Variants in ALK observed in about 807,000 individuals in gnomAD.
ALK encodes ALK receptor tyrosine kinase.
In ALK, 74 loss-of-function variants were observed where a neutral mutation model predicts 163.1. The ratio of observed to expected loss-of-function variants is 0.45; its 90% CI spans 0.38 to 0.55. The LOEUF (loss-of-function observed/expected upper bound fraction) is 0.55, where lower values mean the gene tolerates loss of function less well. Among genes scored for constraint, ALK ranks in the 20% least tolerant of loss-of-function variants. The pLI is 0.00. For synonymous variants in ALK, 960 were observed against 843.2 expected, an observed-to-expected ratio of 1.14 and a Z score of -2.40; for missense variants, 2,063 against 2,105.3, an observed-to-expected ratio of 0.98 and a Z score of 0.39.
chr2:29,558,246 C>G (rs74365060), intron 3 of ALK, among the ~76,000 whole-genome samples: 2,687 of 152,264 alleles, frequency 0.018, 50 homozygotes, highest in African/African-American at 0.05. Flanking sequence ...AAACTTTAGA[C>G]CTGGCCAGTA....
At chr2:29,225,390 G>T (rs2148176121) in intron 19 of ALK, 71 bp downstream of exon 19, 1 of 1,355,928 alleles carries the variant, frequency 7.4e-7, no homozygotes, top group Non-Finnish European at 1.0e-6. Context: ...GGCACCTGTG[G>T]CACAGCCTGA....
intron 4 of ALK, among the ~76,000 whole-genome samples, chr2:29,386,737 C>G (rs1309962071): frequency 6.6e-6 from 1 of 152,198 alleles, no homozygotes; most frequent in East Asian, 1.9e-4. Flanking sequence ...TCTGGCCTCC[C>G]ATAGTTTACT....
Position 29,673,065 on chromosome 2 carries a change from T to G in ALK, c.952+21785A>C, listed in dbSNP as rs879563884. Among the ~76,000 whole-genome samples the G allele has an allele frequency of 8.4e-3, 1,159 of 137,268 alleles. 14 individuals are homozygous for G. The highest frequency in any genetic ancestry group is 0.045 in the South Asian group (189 of 4,226). 90.1% of individuals were successfully genotyped at this position (137,268 alleles called of 152,430 possible). ...TAAATTTGTTTGAGTTCATTGTAGA[T>G]TCTGGATATTAGCCCTTTGTCAGAT... On this transcript the variant is annotated intron_variant, in intron 3 of 28. Transcript: ENST00000389048.
chr2:29,690,252 C>T (rs926792688), intron 3 of ALK, among the ~76,000 whole-genome samples: 12 of 152,176 alleles, frequency 7.9e-5, no homozygotes, highest in African/African-American at 2.9e-4. Context: ...AACAGAAGAA[C>T]CTCAGTAGCA....
chr2:29,896,121 C>T (rs1450834254), intron 1 of ALK, among the ~76,000 whole-genome samples: 2 of 152,150 alleles, frequency 1.3e-5, no homozygotes, highest in East Asian at 3.9e-4. Flanking sequence ...AGAGCTCCTA[C>T]AAGGCAGGGG....
chr2:29,530,244 T>C (rs1399389117), intron 4 of ALK, among the ~76,000 whole-genome samples: 1 of 152,172 alleles, frequency 6.6e-6, no homozygotes, highest in African/African-American at 2.4e-5. Context: ...TGACTTCCTA[T>C]ATGAGCATAG....
intron 3 of ALK, among the ~76,000 whole-genome samples, chr2:29,548,444 G>A (rs1434508017): frequency 6.6e-6 from 1 of 151,374 alleles, no homozygotes; most frequent in Non-Finnish European, 1.5e-5. Flanking sequence ...CTGCACTCCA[G>A]CATGGGCGAC....
Position 29,920,748 on chromosome 2 carries a change from T to G in ALK, c.-89A>C. On this transcript the variant is annotated 5_prime_UTR_variant, in exon 1 of 29. Coordinates refer to ENST00000389048, the MANE Select transcript of ALK (RefSeq NM_004304.5). ...ATGGGAAGAGGCTCTGAACAGTCCT[T>G]GGTACCCAGCGGCTCCTTCCACCTG... 8.1e-7 allele frequency: 1 copy of G among 1,229,194 alleles called. No homozygotes were observed. Among genetic ancestry groups the G allele is most frequent in the Non-Finnish European group, 1.1e-6 (1 of 879,114 alleles). 76.1% of individuals were successfully genotyped at this position (1,229,194 alleles called of 1,614,324 possible).
chr2:29,473,712 A>G (rs1408828997), intron 4 of ALK, among the ~76,000 whole-genome samples: 2 of 152,028 alleles, frequency 1.3e-5, no homozygotes, highest in Non-Finnish European at 2.9e-5. Context: ...CTACTGAAAA[A>G]AAAAATACAA....
At chr2:29,724,156 T>C (rs1354193032) in intron 1 of ALK, among the ~76,000 whole-genome samples, 3 of 152,244 alleles carry the variant, frequency 2.0e-5, no homozygotes, top group African/African-American at 7.2e-5. Flanking sequence ...AAGCATGTTT[T>C]ACAAACCTAC....
At chr2:29,358,338 T>C (rs1668301027) in intron 5 of ALK, among the ~76,000 whole-genome samples, 1 of 152,240 alleles carries the variant, frequency 6.6e-6, no homozygotes, top group Admixed American at 6.5e-5. Context: ...ATTGTGTAAT[T>C]TTTAATAAAT....
chr2:29,825,714 T>G (rs1338772565), intron 1 of ALK, among the ~76,000 whole-genome samples: 1 of 148,086 alleles, frequency 6.8e-6, no homozygotes, highest in African/African-American at 2.5e-5. Context: ...ATTTTGTGTG[T>G]TTTTTTTTTT....
chr2:29,537,216 A>C (rs1673282240), intron 3 of ALK, among the ~76,000 whole-genome samples: 1 of 152,248 alleles, frequency 6.6e-6, no homozygotes, highest in Non-Finnish European at 1.5e-5. Flanking sequence ...CAATAAAAAA[A>C]AGATCGCAAG....
chr2:29,541,397 A>G (rs1481539667), intron 3 of ALK, among the ~76,000 whole-genome samples: 1 of 152,118 alleles, frequency 6.6e-6, no homozygotes, highest in African/African-American at 2.4e-5. Context: ...GGTTCAAGCA[A>G]TTCTCCTGCC....
intron 1 of ALK, among the ~76,000 whole-genome samples, chr2:29,897,824 A>G (rs977109953): frequency 6.6e-6 from 1 of 152,164 alleles, no homozygotes; most frequent in African/African-American, 2.4e-5. Flanking sequence ...CTCCCTGGGT[A>G]CGGTGAGAGT....
chr2:29,640,187 G>A (rs1216379714), intron 3 of ALK, among the ~76,000 whole-genome samples: 1 of 152,114 alleles, frequency 6.6e-6, no homozygotes. Context: ...TCCTCAGTAA[G>A]TAACTATTAA....
At chr2:29,475,517 G>A (rs4503951) in intron 4 of ALK, among the ~76,000 whole-genome samples, 22,365 of 152,048 alleles carry the variant, frequency 0.15, 1,864 homozygotes, top group East Asian at 0.33. Flanking sequence ...GAACATTCCT[G>A]AACAGTCTCG....
intron 24 of ALK, 54 bp from the exon 25 acceptor site, chr2:29,209,932 C>T (rs1669420062): frequency 7.2e-7 from 1 of 1,397,170 alleles, no homozygotes. Context: ...GATGAGTGTA[C>T]AACGGCCATC....
chr2:29,447,478 G>T (rs763197843), intron 4 of ALK, among the ~76,000 whole-genome samples: 1 of 152,130 alleles, frequency 6.6e-6, no homozygotes, highest in African/African-American at 2.4e-5. Flanking sequence ...AAAAAATCTC[G>T]TGTTTATTAT....
Sources: gnomAD v4.1 joint callset for allele counts (sites outside exome capture counted in the v4.1 genomes callset) on GRCh38, gnomAD v4.1.1 for gene constraint, MANE v1.5 for transcripts, NCBI Gene and HGNC (gene_info 2026-07-23, HGNC 2026-07-21) for gene names.